UFL1: variants seen among roughly 807,000 people sequenced by gnomAD.
UFL1 encodes UFM1 specific ligase 1, also known as E3 UFM1-protein ligase 1.
In UFL1, 78 loss-of-function variants were observed where a neutral mutation model predicts 99.3. The observed-to-expected ratio is 0.79, with a 90% CI of 0.65 to 0.95. The LOEUF (loss-of-function observed/expected upper bound fraction) is 0.95. UFL1 is among the 40% of genes least tolerant of loss of function. The pLI, the probability that UFL1 is intolerant of heterozygous loss-of-function variation, is 0.00. For synonymous variants in UFL1, 335 were observed against 322.2 expected (o/e 1.04, Z -0.42); for missense variants, 936 against 937.0 (o/e 1.00, Z 0.01).
intron 6 of UFL1, among the ~76,000 whole-genome samples, chr6:96,529,094 G>A (rs1769745095): frequency 6.6e-6 from 1 of 152,122 alleles, no homozygotes; most frequent in South Asian, 2.1e-4. Context: ...TTACTTTCTA[G>A]CATTCTGTAA....
intron 12 of UFL1, among the ~76,000 whole-genome samples, chr6:96,547,909 G>T (rs1463831253): frequency 6.6e-6 from 1 of 151,488 alleles, no homozygotes; most frequent in Non-Finnish European, 1.5e-5. Flanking sequence ...CCCAGTCCCT[G>T]CCAGTATGTC....
Position 96,538,787 on chromosome 6 carries a change from C to G in UFL1, c.1135C>G (p.Leu379Val). ...INDCTELFRE[L>V]MHQKAEKEMK... The stretch of plus-strand genomic sequence containing the variant: ...TGACTGTACAGAACTGTTCCGTGAG[C>G]TGATGCACCAGAAAGCTGAAAAGGT... Residue 379 changes from leucine (L) to valine (V), a missense_variant, in exon 10 of 19, where the codon CTG (leucine) becomes GTG (valine). Physicochemically the swap from Leu to Val is conservative, Grantham distance 32 (BLOSUM62 1). Transcript: ENST00000369278. 1 of 1,605,158 alleles carries G rather than the reference C, an allele frequency of 6.2e-7. No individual in the cohort carries two copies. The highest frequency in any genetic ancestry group is 8.5e-7 in the Non-Finnish European group (1 of 1,174,778).
chr6:96,524,251 GAAGACATTGAT>G (rs747251709), intron 2 of UFL1, 120 bp from the exon 3 acceptor site: 1 of 736,686 alleles, frequency 1.4e-6, no homozygotes, highest in Non-Finnish European at 2.2e-6. Context: ...GTGTGTATTT[GAAGACATTGAT>G]TATTCTGGCT....
In UFL1 at chr6:96,540,614, G is replaced by A. The variant is rs1193145740; in HGVS notation, c.1238G>A (p.Ser413Asn). The A allele has an allele frequency of 1.2e-6, 2 of 1,604,610 alleles. No homozygotes were observed. Among genetic ancestry groups the A allele is most frequent in the Non-Finnish European group, 1.7e-6 (2 of 1,175,710 alleles). Residue 413 changes from serine to asparagine, a missense_variant, in exon 11 of 19, where the codon AGT becomes AAT. Ser to Asn is a conservative substitution (Grantham distance 46, BLOSUM62 1). Transcript: ENST00000369278. ...TCCACTTTAGAAAGCGTTAGTACAAGTAAAAAGGATAAAAAAGATGAGCGA... is the reference window on the plus strand; with the variant it reads ...TCCACTTTAGAAAGCGTTAGTACAAATAAAAAGGATAAAAAAGATGAGCGA... ...QISTLESVSTSKKDKKDERRR... is the reference protein window; with the variant it reads ...QISTLESVSTNKKDKKDERRR...
chr6:96,546,130 C>T (rs1424650280), intron 12 of UFL1, among the ~76,000 whole-genome samples: 1 of 151,118 alleles, frequency 6.6e-6, no homozygotes, highest in Non-Finnish European at 1.5e-5. Flanking sequence ...ATAAAGACTC[C>T]TCCAAAGACT....
chr6:96,543,503 G>A (rs1476184174), intron 12 of UFL1, among the ~76,000 whole-genome samples: 1 of 151,158 alleles, frequency 6.6e-6, no homozygotes. Context: ...GCAAAGAAAT[G>A]AAAAGTGATA....
intron 5 of UFL1, among the ~76,000 whole-genome samples, chr6:96,527,294 A>G (rs1169783315): frequency 6.6e-6 from 1 of 152,196 alleles, no homozygotes; most frequent in East Asian, 1.9e-4. Context: ...CACATTATGT[A>G]TCTGTAAAAC....
intron 13 of UFL1, among the ~76,000 whole-genome samples, chr6:96,549,148 T>C (rs1770040794): frequency 6.6e-6 from 1 of 151,728 alleles, no homozygotes; most frequent in African/African-American, 2.4e-5. Context: ...AAAAGCAATT[T>C]TGAATTATGG....
At position 96,538,738 on chromosome 6, in the gene UFL1, T is replaced by TGTA; in HGVS notation, c.1089_1091dup (p.Val364dup). The TGTA allele has an allele frequency of 1.9e-6, 3 of 1,611,418 alleles. No homozygotes were observed. The highest frequency in any genetic ancestry group is 2.5e-6 in the Non-Finnish European group (3 of 1,178,298). ...CAACTGTAGTCTTTAGCGACACTGTTGTAGTCAGTGAAAAATTTATAAATG... is the reference window on the plus strand; with the variant it reads ...CAACTGTAGTCTTTAGCGACACTGTTGTAGTAGTCAGTGAAAAATTTATAAATG... On this transcript the variant is annotated inframe_insertion, in exon 10 of 19. Coordinates refer to ENST00000369278, the MANE Select transcript of UFL1 (RefSeq NM_015323.5).
At chr6:96,542,783 T>C (rs2127952148) in intron 11 of UFL1, 111 bp from the exon 12 acceptor site, 1 of 1,134,326 alleles carries the variant, frequency 8.8e-7, no homozygotes, top group Non-Finnish European at 1.2e-6. Flanking sequence ...AGTTTCTTTA[T>C]TTTGCCTTTA....
intron 8 of UFL1, among the ~76,000 whole-genome samples, chr6:96,536,749 AT>A (rs1310847583): frequency 6.6e-6 from 1 of 151,742 alleles, no homozygotes; most frequent in African/African-American, 2.4e-5. Flanking sequence ...ACTTAAAAGT[AT>A]TTTTTAATTA....
intron 5 of UFL1, 104 bp downstream of exon 5, chr6:96,526,539 T>C (rs1262651206): frequency 7.9e-6 from 7 of 881,148 alleles, no homozygotes; most frequent in Non-Finnish European, 1.3e-5. Flanking sequence ...TCACCATCAT[T>C]TGATTTATTG....
intron 8 of UFL1, 63 bp from the exon 9 acceptor site, chr6:96,537,311 A>T (rs1769867224): frequency 1.4e-6 from 2 of 1,425,544 alleles, no homozygotes; most frequent in African/African-American, 3.0e-5. Flanking sequence ...TTAAGTCTTT[A>T]TTTTTCACTT....
At chr6:96,530,346 G>C (rs1268955964) in intron 6 of UFL1, among the ~76,000 whole-genome samples, 1 of 152,096 alleles carries the variant, frequency 6.6e-6, no homozygotes, top group African/African-American at 2.4e-5. Context: ...CTTTTGATAG[G>C]AATATCTCAG....
chr6:96,533,758 G>A (rs1582439725), intron 6 of UFL1, among the ~76,000 whole-genome samples: 1 of 70,802 alleles, frequency 1.4e-5, no homozygotes, highest in African/African-American at 5.3e-5. Flanking sequence ...GTTAACAAAA[G>A]AAATGCATAG....
intron 2 of UFL1, among the ~76,000 whole-genome samples, chr6:96,523,741 A>G (rs1037580800): frequency 6.6e-6 from 1 of 152,162 alleles, no homozygotes; most frequent in Non-Finnish European, 1.5e-5. Context: ...TGCTACACCA[A>G]TCATATTGTA....
At position 96,553,685 on chromosome 6, in the gene UFL1, G is replaced by A; in HGVS notation, c.*182G>A. On this transcript the variant is annotated 3_prime_UTR_variant, in exon 19 of 19. Transcript: ENST00000369278. ...AAATCTTAAAAAGATGTGAATTTTT[G>A]TAAATTGGGTTCTTCATGGAAGTTT... is the stretch of plus-strand genomic sequence containing the variant. 2.3e-6 allele frequency: 1 copy of A among 436,362 alleles called. No homozygotes were observed. Among genetic ancestry groups the A allele is most frequent in the Non-Finnish European group, 4.0e-6 (1 of 252,374 alleles). The allele number at this position is 436,362 out of a possible 1,614,324, so 27.0% of individuals were successfully genotyped here.
At chr6:96,550,010 C>T (rs1234136543) in intron 15 of UFL1, among the ~76,000 whole-genome samples, 2 of 151,802 alleles carry the variant, frequency 1.3e-5, no homozygotes, top group Non-Finnish European at 1.5e-5. Context: ...AGTAATGATG[C>T]TTAATTACTT....
chr6:96,524,438 C>G (rs1039729376), intron 3 of UFL1, 28 bp downstream of exon 3: 5 of 1,543,776 alleles, frequency 3.2e-6, no homozygotes, highest in Admixed American at 2.0e-5. Flanking sequence ...AAAATTTTTG[C>G]TTTACTTTCT....
Sources: allele counts gnomAD v4.1 joint callset (sites outside exome capture counted in the v4.1 genomes callset), GRCh38; gene constraint gnomAD v4.1.1; transcripts MANE v1.5; gene names NCBI Gene and HGNC (gene_info 2026-07-23, HGNC 2026-07-21).